The following HSF1 variants were observed in gnomAD, a reference collection of about 807,000 sequenced individuals.
HSF1 encodes heat shock transcription factor 1.
HSF1 carries 32 observed loss-of-function variants against 51.7 expected under a neutral mutation model. That is an observed-to-expected ratio of 0.62 (90% CI 0.47 to 0.83). HSF1 has a LOEUF of 0.83. HSF1 is among the 40% of genes least tolerant of loss of function. HSF1 has a pLI of 0.00. For missense variants in HSF1, 727 were observed against 717.0 expected (o/e 1.01, Z -0.16); for synonymous variants, 396 against 309.7 (o/e 1.28, Z -2.92).
At chr8:144,314,078 ACCTCTGCCCCCAACCCC>A in intron 12 of HSF1, 24 bp downstream of exon 12, 2 of 993,298 alleles carry the variant, frequency 2.0e-6, no homozygotes, top group Non-Finnish European at 2.6e-6. Flanking sequence ...CACCGGCCCC[ACCTCTGCCCCCAACCCC>A]CCACCGCCTT....
rs1486140400 is a variant in HSF1 at position 144,313,762 on chromosome 8, TCCCCGCCTCCCCGCCCCGCCTCCCCG to T, written c.1249-63_1249-38del. ...CGCCTCCCCGCCTCCCCGCCCCGCC[TCCCCGCCTCCCCGCCCCGCCTCCCCG>T]CCCCGCCTCCCCGCCCCGCCCCCGG... On this transcript the variant is annotated intron_variant, in intron 10 of 12. Coordinates refer to ENST00000528838, the MANE Select transcript of HSF1 (RefSeq NM_005526.4). 12 of 51,076 alleles carry T rather than the reference TCCCCGCCTCCCCGCCCCGCCTCCCCG, an allele frequency of 2.3e-4. 3 individuals carry two copies. Among genetic ancestry groups the T allele is most frequent in the Middle Eastern group, 9.1e-3 (1 of 110 alleles). The allele number at this position is 51,076 out of a possible 1,614,324, so 3.2% of individuals were successfully genotyped here.
rs1816702901 is a variant in HSF1, at chr8:144,312,032, A to G, written c.930A>G (p.Val310=). ...CCAGCCCGCCTCAGAGCCCCCGGGT[A>G]GAGGAGGCGAGTCCCGGGCGCCCAT... ...EPPSPPQSPR[V]EEASPGRPSS... The change falls in exon 9 of 13, where the codon GTA becomes GTG. Residue 310 remains valine (V), a synonymous_variant. Transcript: ENST00000528838. 6.2e-7 allele frequency: 1 copy of G among 1,605,844 alleles called. No homozygotes were observed. The highest frequency in any genetic ancestry group is 1.3e-5 in the African/African-American group (1 of 74,708).
At chr8:144,296,279 G>A (rs1438455531) in intron 1 of HSF1, among the ~76,000 whole-genome samples, 1 of 152,192 alleles carries the variant, frequency 6.6e-6, no homozygotes, top group African/African-American at 2.4e-5. Context: ...CTCAGACCCT[G>A]GTCACAGATC....
rs1554840396 is a variant in HSF1 at position 144,291,803 on chromosome 8, C to T, written c.46C>T (p.Pro16Ser). 1.9e-6 allele frequency: 3 copies of T among 1,553,126 alleles called. No individual in the cohort carries two copies. Among genetic ancestry groups the T allele is most frequent in the African/African-American group, 1.4e-5 (1 of 70,326 alleles). The change falls in exon 1 of 13, where the codon CCG becomes TCG. Residue 16 changes from proline to serine, a missense_variant. By Grantham distance (74) the Pro-to-Ser change is moderately conservative (BLOSUM62 -1). Transcript: ENST00000528838. This position sits in a 1 kb window ranked among gnomAD's most constrained non-coding sequence, Gnocchi z 4.1. ...CGGCGCGGCGGGGCCCAGCAACGTC[C>T]CGGCCTTCCTGACCAAGCTGTGGAC... is the stretch of plus-strand genomic sequence containing the variant. ...GPGAAGPSNV[P>S]AFLTKLWTLV...
chr8:144,305,879 T>C (rs1315703360), intron 1 of HSF1, among the ~76,000 whole-genome samples: 1 of 151,820 alleles, frequency 6.6e-6, no homozygotes, highest in Non-Finnish European at 1.5e-5. Flanking sequence ...ATTACAGGCA[T>C]GAGCCACCAC....
At chr8:144,295,071 G>A (rs370627831) in intron 1 of HSF1, among the ~76,000 whole-genome samples, 8 of 152,084 alleles carry the variant, frequency 5.3e-5, no homozygotes, top group African/African-American at 1.9e-4. Flanking sequence ...CATGAGACCC[G>A]GGACCCGCAG....
intron 9 of HSF1, chr8:144,313,262 C>G (rs782484660): frequency 1.2e-5 from 6 of 520,556 alleles, no homozygotes; most frequent in African/African-American, 1.9e-5. Context: ...CCTGGGTCCA[C>G]TGCCACCAAG....
In HSF1 at chr8:144,291,968, C is replaced by A; in HGVS notation, c.117+94C>A. On this transcript the variant is annotated intron_variant, in intron 1 of 12. Coordinates refer to ENST00000528838, the MANE Select transcript of HSF1 (RefSeq NM_005526.4). The surrounding 1 kb of genome is among the most constrained non-coding windows in gnomAD (Gnocchi z 4.1). ...GGAGGGCTGCGGGGAGGGGCCCTGCCGCACTTCAGCTTACGCGCGGTGAGC... is the reference window on the plus strand; with the variant it reads ...GGAGGGCTGCGGGGAGGGGCCCTGCAGCACTTCAGCTTACGCGCGGTGAGC... The A allele has an allele frequency of 1.7e-6, 1 of 593,792 alleles. No individual in the cohort carries two copies. The highest frequency in any genetic ancestry group is 2.6e-6 in the Non-Finnish European group (1 of 383,932). 36.8% of individuals were successfully genotyped at this position (593,792 alleles called of 1,614,324 possible). A position where few individuals can be genotyped will look rare whatever the true frequency, so the allele number is the denominator to read the frequency against.
rs1481416351 is a variant in HSF1, at chr8:144,311,486, C to T, written c.627-19C>T. 1 of 1,613,062 alleles carries T rather than the reference C, an allele frequency of 6.2e-7. No homozygotes were observed. Among genetic ancestry groups the T allele is most frequent in the East Asian group, 2.2e-5 (1 of 44,892 alleles). On this transcript the variant is annotated intron_variant, in intron 6 of 12. Transcript: ENST00000528838. ...CCCCGAGGTGGGGGGTGGTGGCTGACCTGCACCCTTCCCCACAGCCCCCTG... is the reference window on the plus strand; with the variant it reads ...CCCCGAGGTGGGGGGTGGTGGCTGATCTGCACCCTTCCCCACAGCCCCCTG...
At chr8:144,300,460 G>A (rs551186808) in intron 1 of HSF1, among the ~76,000 whole-genome samples, 35 of 152,034 alleles carry the variant, frequency 2.3e-4, no homozygotes, top group Non-Finnish European at 4.4e-4. Flanking sequence ...CTCGTGATCC[G>A]CCCACCTTGG....
Position 144,313,572 on chromosome 8 carries a change from C to T in HSF1, c.1204C>T (p.Leu402=), listed in dbSNP as rs782537321. 6.2e-7 allele frequency: 1 copy of T among 1,611,834 alleles called. No homozygotes were observed. The highest frequency in any genetic ancestry group is 1.1e-5 in the South Asian group (1 of 91,074). Residue 402 remains leucine (L), a synonymous_variant, in exon 10 of 13, where the codon CTG becomes TTG. Coordinates refer to ENST00000528838, the MANE Select transcript of HSF1 (RefSeq NM_005526.4). ...CAACCTGGATAACCTGCAGACCATG[C>T]TGAGCAGCCACGGCTTCAGCGTGGA... The part of the protein sequence containing the change: ...DSNLDNLQTM[L]SSHGFSVDTS...
In HSF1 at chr8:144,314,403, G is replaced by A. The variant is rs1327031447; in HGVS notation, c.*73G>A. On this transcript the variant is annotated 3_prime_UTR_variant, in exon 13 of 13. Coordinates refer to ENST00000528838, the MANE Select transcript of HSF1 (RefSeq NM_005526.4). ...GGGCTGGTCTTGGGGAGGCAGGGCA[G>A]CCTCGCGGTCTTGGGCACTGGTGGG... 2.2e-6 allele frequency: 3 copies of A among 1,375,372 alleles called. No individual in the cohort carries two copies. Among genetic ancestry groups the A allele is most frequent in the Non-Finnish European group, 3.0e-6 (3 of 1,001,558 alleles). The allele number at this position is 1,375,372 out of a possible 1,614,324, so 85.2% of individuals were successfully genotyped here. A position where few individuals can be genotyped will look rare whatever the true frequency, so the allele number is the denominator to read the frequency against.
intron 1 of HSF1, among the ~76,000 whole-genome samples, chr8:144,307,848 A>G (rs1457986089): frequency 6.6e-6 from 1 of 152,018 alleles, no homozygotes; most frequent in African/African-American, 2.4e-5. Context: ...TTTTTCTTGA[A>G]TAAATGCTCC....
intron 4 of HSF1, 174 bp downstream of exon 4, chr8:144,310,070 C>T (rs1816514583): frequency 6.8e-6 from 5 of 736,486 alleles, no homozygotes; most frequent in Non-Finnish European, 1.1e-5. Context: ...GCTGCTGCAA[C>T]AGCTCTGGGG....
In HSF1 at chr8:144,314,283, C is replaced by T. The variant is rs1335133258; in HGVS notation, c.1543C>T (p.Leu515=). The change falls in exon 13 of 13, where the codon CTG becomes TTG. Residue 515 remains leucine (L), a synonymous_variant. Transcript: ENST00000528838. ...CGCCGAGGACCCCACCATCTCCCTG[C>T]TGACAGGCTCGGAGCCTCCCAAAGC... The part of the protein sequence containing the change: ...GFAEDPTISL[L]TGSEPPKAKD... The T allele has an allele frequency of 1.8e-5, 28 of 1,550,892 alleles. No homozygotes were observed. The highest frequency in any genetic ancestry group is 2.3e-5 in the Non-Finnish European group (26 of 1,147,288).
rs1272442559 is a variant in HSF1, at chr8:144,310,057, G to A, written c.488+161G>A. 68 of 853,624 alleles carry A rather than the reference G, an allele frequency of 8.0e-5. No individual in the cohort carries two copies. The South Asian group carries it at 9.1e-4, about 11-fold the overall frequency. The allele number at this position is 853,624 out of a possible 1,614,324, so 52.9% of individuals were successfully genotyped here. A position where few individuals can be genotyped will look rare whatever the true frequency, so the allele number is the denominator to read the frequency against. On this transcript the variant is annotated intron_variant, in intron 4 of 12. Transcript: ENST00000528838. ...GGCCTCTGCCCCAGCCCCGCCGCCCGTGGCTGCTGCAACAGCTCTGGGGCC... is the reference window on the plus strand; with the variant it reads ...GGCCTCTGCCCCAGCCCCGCCGCCCATGGCTGCTGCAACAGCTCTGGGGCC...
rs566061620 is a variant in HSF1, at chr8:144,297,704, G to T, written c.117+5830G>T. Among the ~76,000 whole-genome samples, 1 of 152,294 alleles carries T rather than the reference G, an allele frequency of 6.6e-6. No individual in the cohort carries two copies. Among genetic ancestry groups the T allele is most frequent in the East Asian group, 1.9e-4 (1 of 5,188 alleles). The stretch of plus-strand genomic sequence containing the variant: ...CCTAAAGCCTATACTCCCGGGACCC[G>T]GAGAGGGAACAGCCGGCCAGCCGAG... On this transcript the variant is annotated intron_variant, in intron 1 of 12. Coordinates refer to ENST00000528838, the MANE Select transcript of HSF1 (RefSeq NM_005526.4). This position sits in a 1 kb window ranked among gnomAD's most constrained non-coding sequence, Gnocchi z 4.6.
chr8:144,304,562 G>C (rs1816092826), intron 1 of HSF1, among the ~76,000 whole-genome samples: 5 of 152,316 alleles, frequency 3.3e-5, no homozygotes, highest in Admixed American at 2.6e-4. Context: ...TTACAGGCAT[G>C]AGTAACTACA....
chr8:144,295,713 CT>C lies in HSF1; in HGVS notation c.117+3853del, dbSNP rs536228987. On this transcript the variant is annotated intron_variant, in intron 1 of 12. Transcript: ENST00000528838. The stretch of plus-strand genomic sequence containing the variant: ...TACAGGCTTGCACCACCAGACCTGG[CT>C]TTTTTTTTTTTTTCTTTTTAAGGTT... Among the ~76,000 whole-genome samples the C allele has an allele frequency of 7.1e-3, 1,023 of 144,510 alleles. 5 individuals are homozygous for C. The highest frequency in any genetic ancestry group is 9.1e-3 in the Non-Finnish European group (604 of 66,038). The allele number at this position is 144,510 out of a possible 152,430, so 94.8% of individuals were successfully genotyped here. A position where few individuals can be genotyped will look rare whatever the true frequency, so the allele number is the denominator to read the frequency against.
Sources: allele counts gnomAD v4.1 joint callset (sites outside exome capture counted in the v4.1 genomes callset), GRCh38; gene constraint gnomAD v4.1.1; non-coding constraint Gnocchi (gnomAD v3.1); transcripts MANE v1.5; gene names NCBI Gene and HGNC (gene_info 2026-07-23, HGNC 2026-07-21).